The following SLC35F6 variants were observed in gnomAD, a reference collection of about 807,000 sequenced individuals.
SLC35F6 encodes the protein ANT2-binding protein.
In SLC35F6, 26 loss-of-function variants were observed where a neutral mutation model predicts 29.4. That is an observed-to-expected ratio of 0.89 (90% CI 0.65 to 1.23). SLC35F6 has a LOEUF of 1.23. Among genes scored for constraint, SLC35F6 ranks in the 50% most tolerant of loss-of-function variants. The pLI is 0.00. For missense variants in SLC35F6, 428 were observed against 487.8 expected, an observed-to-expected ratio of 0.88 and a Z score of 1.15; for synonymous variants, 174 against 206.6, an observed-to-expected ratio of 0.84 and a Z score of 1.35.
chr2:26,771,702 T>A (rs999173493), intron 1 of SLC35F6, among the ~76,000 whole-genome samples: 5 of 152,110 alleles, frequency 3.3e-5, no homozygotes, highest in Non-Finnish European at 5.9e-5. Flanking sequence ...GTGCAGTGGC[T>A]CATGCCTATA....
intron 5 of SLC35F6, 109 bp from the exon 6 acceptor site, chr2:26,777,933 T>G: frequency 1.3e-5 from 13 of 1,024,896 alleles, no homozygotes; most frequent in Non-Finnish European, 1.7e-5. Flanking sequence ...GGAGCTGGCA[T>G]GAGGACCACT....
Position 26,775,760 on chromosome 2 carries a change from C to A in SLC35F6, c.535+84C>A. 7.1e-7 allele frequency: 1 copy of A among 1,409,602 alleles called. No homozygotes were observed. The highest frequency in any genetic ancestry group is 9.4e-7 in the Non-Finnish European group (1 of 1,062,228). 87.3% of individuals were successfully genotyped at this position (1,409,602 alleles called of 1,614,324 possible). A position where few individuals can be genotyped will look rare whatever the true frequency, so the allele number is the denominator to read the frequency against. The stretch of plus-strand genomic sequence containing the variant: ...CCAGCACAGACTCATACAAGCTCTG[C>A]CATGTGCCATATACCAAGCCCTGGG... On this transcript the variant is annotated intron_variant, in intron 4 of 5. Transcript: ENST00000344420. The surrounding 1 kb of genome is among the most constrained non-coding windows in gnomAD (Gnocchi z 4.6).
chr2:26,774,983 G>C, intron 2 of SLC35F6, 61 bp from the exon 3 acceptor site: 2 of 1,516,228 alleles, frequency 1.3e-6, no homozygotes, highest in Non-Finnish European at 1.8e-6. Flanking sequence ...AAAAAAAATA[G>C]TTAAAGATGA....
Position 26,775,347 on chromosome 2 carries a change from C to G in SLC35F6, c.323-117C>G. ...CCCAGACTTCACACGCACAGGCACACAGGCAGGACTGATCGAGCGCTTACT... is the reference window on the plus strand; with the variant it reads ...CCCAGACTTCACACGCACAGGCACAGAGGCAGGACTGATCGAGCGCTTACT... On this transcript the variant is annotated intron_variant, in intron 3 of 5. Transcript: ENST00000344420. The surrounding 1 kb of genome is among the most constrained non-coding windows in gnomAD (Gnocchi z 4.6). 2 of 1,514,102 alleles carry G rather than the reference C, an allele frequency of 1.3e-6. No homozygotes were observed. Among genetic ancestry groups the G allele is most frequent in the South Asian group, 1.3e-5 (1 of 78,126 alleles). The allele number at this position is 1,514,102 out of a possible 1,614,324, so 93.8% of individuals were successfully genotyped here. A position where few individuals can be genotyped will look rare whatever the true frequency, so the allele number is the denominator to read the frequency against.
rs913257897 is a variant in SLC35F6 at position 26,780,041 on chromosome 2, A to AAG, written c.*1531_*1532dup. 11 of 149,296 alleles carry AAG rather than the reference A, an allele frequency of 7.4e-5. No homozygotes were observed. Among genetic ancestry groups the AAG allele is most frequent in the Non-Finnish European group, 1.3e-4 (9 of 67,596 alleles). The allele number at this position is 149,296 out of a possible 1,614,324, so 9.2% of individuals were successfully genotyped here. On this transcript the variant is annotated 3_prime_UTR_variant, in exon 6 of 6. Coordinates refer to ENST00000344420, the MANE Select transcript of SLC35F6 (RefSeq NM_017877.4). Reference sequence around the variant, plus strand: ...AGGCTGATCTCAAACTCCTGGCCTCAAGCGATCCTCCCATCTCAGCCTCCC... The same window carrying AAG: ...AGGCTGATCTCAAACTCCTGGCCTCAAGAGCGATCCTCCCATCTCAGCCTCCC...
chr2:26,774,515 C>G (rs1433163203), intron 2 of SLC35F6, among the ~76,000 whole-genome samples, 192 bp downstream of exon 2: 1 of 152,228 alleles, frequency 6.6e-6, no homozygotes, highest in East Asian at 1.9e-4. Flanking sequence ...GCACCATCCT[C>G]TGCGAAAGTC....
Position 26,776,494 on chromosome 2 carries a change from C to T in SLC35F6, c.646+12C>T. Reference sequence around the variant, plus strand: ...AGTTGGCACTGAGGGTGTGTGTGGGCACAGGGGCCTGGAAGGAGTGGGGTA... The same window carrying T: ...AGTTGGCACTGAGGGTGTGTGTGGGTACAGGGGCCTGGAAGGAGTGGGGTA... On this transcript the variant is annotated intron_variant, in intron 5 of 5. Transcript: ENST00000344420. The T allele has an allele frequency of 8.1e-6, 13 of 1,612,244 alleles. No individual in the cohort carries two copies. Among genetic ancestry groups the T allele is most frequent in the Non-Finnish European group, 1.1e-5 (13 of 1,178,334 alleles).
At position 26,775,906 on chromosome 2, in the gene SLC35F6, G is replaced by C. The variant is rs1664292228; in HGVS notation, c.535+230G>C. ...AGGGGCTGGCTTGTCCTTTGATACA[G>C]ATGCAGACATGCAAACTACTGGATT... On this transcript the variant is annotated intron_variant, in intron 4 of 5. Coordinates refer to ENST00000344420, the MANE Select transcript of SLC35F6 (RefSeq NM_017877.4). This position sits in a 1 kb window ranked among gnomAD's most constrained non-coding sequence, Gnocchi z 4.6. Among the ~76,000 whole-genome samples, 1 of 152,176 alleles carries C rather than the reference G, an allele frequency of 6.6e-6. No individual in the cohort carries two copies. The highest frequency in any genetic ancestry group is 2.4e-5 in the African/African-American group (1 of 41,438).
At chr2:26,773,503 G>GAA (rs70953813) in intron 1 of SLC35F6, among the ~76,000 whole-genome samples, 197 of 106,956 alleles carry the variant, frequency 1.8e-3, no homozygotes, top group African/African-American at 3.1e-3. Context: ...ACTCCATTAA[G>GAA]AAAAAAAAAA....
rs75851338 is a variant in SLC35F6, at chr2:26,779,815, C to CT, written c.*1326dup. ...ACAGGCATGAGCCACCACGCCCAGC[C>CT]TTTTTTTTTTTTTTTTTTTTTTCTT... On this transcript the variant is annotated 3_prime_UTR_variant, in exon 6 of 6. Transcript: ENST00000344420. 8,435 of 118,264 alleles carry CT rather than the reference C, an allele frequency of 0.071. 523 individuals carry two copies. Among genetic ancestry groups the CT allele is most frequent in the African/African-American group, 0.086 (2,594 of 30,058 alleles). 7.3% of individuals were successfully genotyped at this position (118,264 alleles called of 1,614,324 possible).
intron 1 of SLC35F6, among the ~76,000 whole-genome samples, chr2:26,765,411 C>T (rs1471732389): frequency 6.6e-6 from 1 of 152,222 alleles, no homozygotes; most frequent in Non-Finnish European, 1.5e-5. Context: ...CTAGCCTCCC[C>T]TCTGTTGTGG....
intron 2 of SLC35F6, among the ~76,000 whole-genome samples, 156 bp downstream of exon 2, chr2:26,774,479 A>G (rs1174438548): frequency 6.6e-6 from 1 of 152,194 alleles, no homozygotes; most frequent in Non-Finnish European, 1.5e-5. Flanking sequence ...CCAGAGCAGA[A>G]TCCAAGGTTT....
rs1008838097 is a variant in SLC35F6, at chr2:26,768,474, G to T, written c.77+4048G>T. On this transcript the variant is annotated intron_variant, in intron 1 of 5. Coordinates refer to ENST00000344420, the MANE Select transcript of SLC35F6 (RefSeq NM_017877.4). ...GCCTCCCGGGTGAACGCATTCTCAT[G>T]CCTCAGCCTCCTGAGTAACTGGGAC... Among the ~76,000 whole-genome samples, 56 of 150,810 alleles carry T rather than the reference G, an allele frequency of 3.7e-4. 1 individual carries two copies. Among genetic ancestry groups the T allele is most frequent in the Non-Finnish European group, 7.8e-4 (53 of 67,850 alleles).
rs1269558559 is a variant in SLC35F6 at position 26,779,843 on chromosome 2, G to A, written c.*1332G>A. On this transcript the variant is annotated 3_prime_UTR_variant, in exon 6 of 6. Coordinates refer to ENST00000344420, the MANE Select transcript of SLC35F6 (RefSeq NM_017877.4). ...TTTTTTTTTTTTTTTTTTTTCTTGA[G>A]AGACAGGGTCTTGCTCTGTCACCCA... The A allele has an allele frequency of 3.2e-5, 4 of 126,754 alleles. No homozygotes were observed. The allele number at this position is 126,754 out of a possible 1,614,324, so 7.9% of individuals were successfully genotyped here. A position where few individuals can be genotyped will look rare whatever the true frequency, so the allele number is the denominator to read the frequency against.
At chr2:26,770,908 C>A (rs1664185931) in intron 1 of SLC35F6, among the ~76,000 whole-genome samples, 1 of 152,318 alleles carries the variant, frequency 6.6e-6, no homozygotes, top group South Asian at 2.1e-4. Context: ...TGTCTCCAAT[C>A]CAGGATGAGA....
chr2:26,771,055 C>T (rs1664188072), intron 1 of SLC35F6, among the ~76,000 whole-genome samples: 1 of 152,234 alleles, frequency 6.6e-6, no homozygotes, highest in South Asian at 2.1e-4. Context: ...ACCATTTCCC[C>T]AGCCGGGAGC....
At position 26,780,128 on chromosome 2, in the gene SLC35F6, G is replaced by GT. The variant is rs1241666011; in HGVS notation, c.*1621dup. ...GGGCAACAGAGTGAAACCTGTCCCT[G>GT]TTTTCCTGCTCTTACTCTCACCTCT... On this transcript the variant is annotated 3_prime_UTR_variant, in exon 6 of 6. Transcript: ENST00000344420. 6.6e-6 allele frequency: 1 copy of GT among 152,102 alleles called. No homozygotes were observed. Among genetic ancestry groups the GT allele is most frequent in the East Asian group, 1.9e-4 (1 of 5,182 alleles). 9.4% of individuals were successfully genotyped at this position (152,102 alleles called of 1,614,324 possible).
rs571627377 is a variant in SLC35F6, at chr2:26,777,760, G to GTGTGTGTGTGTGTCCA, written c.647-279_647-278insGTGTGTGTGTCCATGT. Among the ~76,000 whole-genome samples, 1,490 of 152,000 alleles carry GTGTGTGTGTGTGTCCA rather than the reference G, an allele frequency of 9.8e-3. 16 individuals carry two copies. Among genetic ancestry groups the GTGTGTGTGTGTGTCCA allele is most frequent in the African/African-American group, 0.033 (1,358 of 41,340 alleles). On this transcript the variant is annotated intron_variant, in intron 5 of 5. Coordinates refer to ENST00000344420, the MANE Select transcript of SLC35F6 (RefSeq NM_017877.4). ...TTTTTATGAGTGTGTGTGTGTGTGT[G>GTGTGTGTGTGTGTCCA]TGTCCATGAACCTGTGCACACGTGT...
rs1377792806 is a variant in SLC35F6 at position 26,775,421 on chromosome 2, T to G, written c.323-43T>G. The G allele has an allele frequency of 6.3e-7, 1 of 1,598,060 alleles. No homozygotes were observed. The highest frequency in any genetic ancestry group is 8.5e-7 in the Non-Finnish European group (1 of 1,171,554). ...AAAGACCCCTTAGTGACAGATGGCC[T>G]TCGCCTTGGGAAGCTAACTGTAATT... On this transcript the variant is annotated intron_variant, in intron 3 of 5. Coordinates refer to ENST00000344420, the MANE Select transcript of SLC35F6 (RefSeq NM_017877.4). The surrounding 1 kb of genome is among the most constrained non-coding windows in gnomAD (Gnocchi z 4.6).
Sources: allele counts gnomAD v4.1 joint callset (sites outside exome capture counted in the v4.1 genomes callset), GRCh38; gene constraint gnomAD v4.1.1; non-coding constraint Gnocchi (gnomAD v3.1); transcripts MANE v1.5; gene names NCBI Gene and HGNC (gene_info 2026-07-23, HGNC 2026-07-21).